Variants in TNFRSF19 observed in about 807,000 individuals in gnomAD.
TNFRSF19 encodes TNF receptor superfamily member 19, also known as tumor necrosis factor receptor superfamily member 19.
A neutral mutation model predicts 46.4 loss-of-function variants in TNFRSF19; 27 were observed. That is an observed-to-expected ratio of 0.58 (90% CI 0.43 to 0.80). The LOEUF is 0.80. Ranked by LOEUF, TNFRSF19 falls within the 30% of genes least tolerant of loss-of-function variation. TNFRSF19 has a pLI of 0.00. For missense variants in TNFRSF19, 511 were observed against 530.8 expected (o/e 0.96, Z 0.37); for synonymous variants, 204 against 205.0 (o/e 1.00, Z 0.04).
chr13:23,628,660 A>G (rs1317013439), intron 5 of TNFRSF19, among the ~76,000 whole-genome samples: 3 of 152,120 alleles, frequency 2.0e-5, no homozygotes, highest in Non-Finnish European at 4.4e-5. Context: ...GATATCACAA[A>G]TTTGCCTTTG....
chr13:23,657,739 G>C (rs957681315), intron 5 of TNFRSF19, among the ~76,000 whole-genome samples: 10 of 151,900 alleles, frequency 6.6e-5, no homozygotes, highest in Non-Finnish European at 1.2e-4. Flanking sequence ...TGTCGTCCAG[G>C]CTGGAGCGCA....
chr13:23,673,550 C>A lies in TNFRSF19; in HGVS notation c.*170C>A, dbSNP rs1262686249. On this transcript the variant is annotated 3_prime_UTR_variant, in exon 10 of 10. Coordinates refer to ENST00000248484, the MANE Select transcript of TNFRSF19 (RefSeq NM_148957.4). ...TTCAGCCAGTTGCTTCTGAGCCAGA[C>A]CAGCTGTAAGCTGAAACCTCAATGA... 1.6e-5 allele frequency: 21 copies of A among 1,290,170 alleles called. No individual in the cohort carries two copies. In the East Asian group the frequency reaches 6.1e-4, roughly 38 times the overall value. The allele number at this position is 1,290,170 out of a possible 1,614,324, so 79.9% of individuals were successfully genotyped here. A position where few individuals can be genotyped will look rare whatever the true frequency, so the allele number is the denominator to read the frequency against.
chr13:23,594,582 G>A (rs9553008), intron 3 of TNFRSF19, among the ~76,000 whole-genome samples: 39,268 of 152,130 alleles, frequency 0.26, 5,603 homozygotes, highest in African/African-American at 0.38. Flanking sequence ...GGGCATCCCT[G>A]AAAGAAAGGG....
At chr13:23,651,073 CT>C (rs1883599042) in intron 5 of TNFRSF19, among the ~76,000 whole-genome samples, 1 of 152,156 alleles carries the variant, frequency 6.6e-6, no homozygotes, top group Non-Finnish European at 1.5e-5. Context: ...CACTTCAGAA[CT>C]GTATGCTTGT....
Position 23,578,219 on chromosome 13 carries a change from G to A in TNFRSF19, c.-35+7371G>A, listed in dbSNP as rs528737324. Among the ~76,000 whole-genome samples the A allele has an allele frequency of 4.1e-4, 63 of 152,250 alleles. 1 individual carries two copies. Among genetic ancestry groups the A allele is most frequent in the Non-Finnish European group, 1.2e-4 (8 of 68,022 alleles). ...AGGGCTGGAGTCTGATCGGGTAGCCGCTGGGAGATGGGACAGGGAAGCACA... is the reference window on the plus strand; with the variant it reads ...AGGGCTGGAGTCTGATCGGGTAGCCACTGGGAGATGGGACAGGGAAGCACA... On this transcript the variant is annotated intron_variant, in intron 1 of 9. Transcript: ENST00000248484.
intron 1 of TNFRSF19, among the ~76,000 whole-genome samples, chr13:23,580,277 T>C (rs547524778): frequency 1.3e-4 from 20 of 152,288 alleles, no homozygotes; most frequent in Admixed American, 1.1e-3. Context: ...GTTTGCATGT[T>C]AATAAAGGAC....
intron 3 of TNFRSF19, among the ~76,000 whole-genome samples, chr13:23,611,889 T>A (rs1880933539): frequency 6.6e-6 from 1 of 152,144 alleles, no homozygotes; most frequent in Non-Finnish European, 1.5e-5. Context: ...AAGGGAATAC[T>A]CTCTATTTGC....
At chr13:23,578,650 G>A (rs9553003) in intron 1 of TNFRSF19, among the ~76,000 whole-genome samples, 15,307 of 152,276 alleles carry the variant, frequency 0.1, 817 homozygotes, top group East Asian at 0.18. Context: ...CGTATCTTGG[G>A]TGAACGAATA....
chr13:23,637,133 A>T (rs1033707811), intron 5 of TNFRSF19, among the ~76,000 whole-genome samples: 1 of 152,134 alleles, frequency 6.6e-6, no homozygotes, highest in Non-Finnish European at 1.5e-5. Flanking sequence ...TTACATTATC[A>T]TGAGTGTTTT....
At chr13:23,658,935 A>G (rs1015020138) in intron 5 of TNFRSF19, 115 bp from the exon 6 acceptor site, 1 of 1,354,878 alleles carries the variant, frequency 7.4e-7, no homozygotes, top group African/African-American at 1.4e-5. Context: ...TAAATATCTC[A>G]TGCCAGTTTT....
intron 9 of TNFRSF19, among the ~76,000 whole-genome samples, chr13:23,671,645 T>C (rs1375044539): frequency 2.0e-5 from 3 of 152,200 alleles, no homozygotes; most frequent in Admixed American, 2.0e-4. Context: ...GTAGTTTTGC[T>C]TCTGTTTTTC....
intron 3 of TNFRSF19, among the ~76,000 whole-genome samples, chr13:23,615,563 GAGA>G (rs1279293975): frequency 3.3e-5 from 5 of 152,194 alleles, no homozygotes; most frequent in African/African-American, 9.7e-5. Flanking sequence ...TTAATTAGAG[GAGA>G]AGAAGTGCCA....
At chr13:23,616,168 A>G (rs1390557484) in intron 4 of TNFRSF19, 123 bp downstream of exon 4, 14 of 1,025,270 alleles carry the variant, frequency 1.4e-5, no homozygotes, top group Middle Eastern at 3.0e-4. Flanking sequence ...CTGGTGGAGT[A>G]TTTGTGACTT....
chr13:23,623,338 A>G (rs77227032), intron 4 of TNFRSF19, among the ~76,000 whole-genome samples: 8,550 of 152,246 alleles, frequency 0.056, 405 homozygotes, highest in African/African-American at 0.13. Flanking sequence ...TACTTTGTTT[A>G]TCCATATTCA....
chr13:23,587,590 G>A (rs17333428), intron 1 of TNFRSF19, among the ~76,000 whole-genome samples: 11,939 of 152,226 alleles, frequency 0.078, 468 homozygotes, highest in Middle Eastern at 0.11. Flanking sequence ...TTTTGTTGAG[G>A]TAGCCATGCT....
intron 3 of TNFRSF19, among the ~76,000 whole-genome samples, chr13:23,609,062 C>G (rs1427989558): frequency 5.3e-5 from 8 of 152,262 alleles, no homozygotes; most frequent in Non-Finnish European, 7.3e-5. Context: ...TCTTCCCATT[C>G]AGTTCTTTTT....
chr13:23,621,749 G>A (rs1485394949), intron 4 of TNFRSF19, among the ~76,000 whole-genome samples: 3 of 151,128 alleles, frequency 2.0e-5, no homozygotes, highest in African/African-American at 7.3e-5. Context: ...TGTGACATCA[G>A]CCTGGGCAAC....
chr13:23,634,250 C>T (rs1882537914), intron 5 of TNFRSF19, among the ~76,000 whole-genome samples: 4 of 152,206 alleles, frequency 2.6e-5, no homozygotes. Context: ...GACAGCACCC[C>T]TTGAATTGGG....
In TNFRSF19 at chr13:23,663,728, TCA is replaced by T. The variant is rs1241807339; in HGVS notation, c.736+3239_736+3240del. ...TTCAGGGAATCGATTTCTTCCTGGT[TCA>T]GTCTTGGGAGGGTGTATGTGTCCAG... is the stretch of plus-strand genomic sequence containing the variant. On this transcript the variant is annotated intron_variant, in intron 7 of 9. Transcript: ENST00000248484. Among the ~76,000 whole-genome samples, 5 of 152,200 alleles carry T rather than the reference TCA, an allele frequency of 3.3e-5. No individual in the cohort carries two copies. In the East Asian group the frequency reaches 9.6e-4, roughly 29 times the overall value.
Sources: gnomAD v4.1 joint callset for allele counts (sites outside exome capture counted in the v4.1 genomes callset) on GRCh38, gnomAD v4.1.1 for gene constraint, MANE v1.5 for transcripts, NCBI Gene and HGNC (gene_info 2026-07-23, HGNC 2026-07-21) for gene names.